Variants in ITSN2 observed in about 807,000 individuals in gnomAD.
ITSN2 encodes intersectin-2.
A neutral mutation model predicts 243.7 loss-of-function variants in ITSN2; 156 were observed. That is an observed-to-expected ratio of 0.64 (90% CI 0.56 to 0.73). ITSN2 has a LOEUF of 0.73. Ranked by LOEUF, ITSN2 falls within the 30% of genes least tolerant of loss-of-function variation. The pLI is 0.00. For missense variants in ITSN2, 1,801 were observed against 1,996.1 expected, an observed-to-expected ratio of 0.90 and a Z score of 1.86; for synonymous variants, 703 against 699.9, an observed-to-expected ratio of 1.00 and a Z score of -0.07.
chr2:24,334,811 C>T (rs1686169632), intron 1 of ITSN2: 1 of 1,181,298 alleles, frequency 8.5e-7, no homozygotes, highest in African/African-American at 1.5e-5. Flanking sequence ...CGCCTGTAAT[C>T]CCAGCACTTT....
At chr2:24,210,715 G>A (rs1383240987) in intron 34 of ITSN2, 65 bp downstream of exon 34, 1 of 1,507,668 alleles carries the variant, frequency 6.6e-7, no homozygotes, top group Non-Finnish European at 9.1e-7. Flanking sequence ...GTGAGGGAAG[G>A]CTCGGAGCTG....
At chr2:24,217,878 G>A (rs201767089) in intron 31 of ITSN2, 29 bp downstream of exon 31, 63 of 1,499,724 alleles carry the variant, frequency 4.2e-5, no homozygotes, top group African/African-American at 8.3e-5. Context: ...TGGGGTCAGC[G>A]GCAATGACAG....
chr2:24,257,189 G>A (rs867236454), intron 23 of ITSN2, among the ~76,000 whole-genome samples: 7 of 151,944 alleles, frequency 4.6e-5, no homozygotes, highest in East Asian at 1.9e-4. Flanking sequence ...GCATGGTAGC[G>A]TGCACCTGTG....
rs1673415559 is a variant in ITSN2 at position 24,246,697 on chromosome 2, A to C, written c.3385+100T>G. ...CCTTTTAAGCAGACATAAGGAAAGA[A>C]CACATTTTTAATGTTTTCCAAAGAT... On this transcript the variant is annotated intron_variant, in intron 28 of 39. Coordinates refer to ENST00000355123, the MANE Select transcript of ITSN2 (RefSeq NM_006277.3). 7 of 754,448 alleles carry C rather than the reference A, an allele frequency of 9.3e-6. No homozygotes were observed. In the East Asian group the frequency reaches 1.8e-4, roughly 19 times the overall value. The allele number at this position is 754,448 out of a possible 1,614,324, so 46.7% of individuals were successfully genotyped here. A position where few individuals can be genotyped will look rare whatever the true frequency, so the allele number is the denominator to read the frequency against.
intron 35 of ITSN2, 127 bp downstream of exon 35, chr2:24,209,691 C>T: frequency 2.8e-6 from 2 of 705,308 alleles, no homozygotes; most frequent in Non-Finnish European, 2.4e-6. Flanking sequence ...GCAAAGGAAG[C>T]ACGAGCGATC....
At chr2:24,333,359 C>A (rs1685996267) in intron 1 of ITSN2, among the ~76,000 whole-genome samples, 1 of 152,126 alleles carries the variant, frequency 6.6e-6, no homozygotes, top group African/African-American at 2.4e-5. Flanking sequence ...TTTCTTATCT[C>A]TTGGTATAAC....
At chr2:24,259,983 A>G (rs1262244328) in intron 22 of ITSN2, among the ~76,000 whole-genome samples, 1 of 152,178 alleles carries the variant, frequency 6.6e-6, no homozygotes, top group African/African-American at 2.4e-5. Context: ...GTACAGTGAT[A>G]TGATCATAAT....
intron 8 of ITSN2, among the ~76,000 whole-genome samples, chr2:24,304,593 T>C (rs1682239445): frequency 6.6e-6 from 1 of 152,194 alleles, no homozygotes; most frequent in African/African-American, 2.4e-5. Context: ...CTTAGGAAAT[T>C]TGATTTGAGG....
intron 13 of ITSN2, among the ~76,000 whole-genome samples, chr2:24,298,037 T>C (rs1414042939): frequency 2.0e-5 from 3 of 151,506 alleles, no homozygotes; most frequent in Non-Finnish European, 4.4e-5. Context: ...TAGGCTGGAG[T>C]GCAGTGGTGC....
intron 2 of ITSN2, chr2:24,326,529 C>G (rs952470134): frequency 2.4e-5 from 4 of 167,012 alleles, no homozygotes; most frequent in African/African-American, 9.6e-5. Context: ...CATGTTACTA[C>G]TACAATCACT....
At chr2:24,308,808 AT>A in intron 7 of ITSN2, 52 bp from the exon 8 acceptor site, 1 of 997,124 alleles carries the variant, frequency 1.0e-6, no homozygotes, top group Non-Finnish European at 1.3e-6. Flanking sequence ...AATATATTTA[AT>A]TAAATTTTAT....
At chr2:24,261,895 T>C (rs1024299002) in intron 20 of ITSN2, among the ~76,000 whole-genome samples, 153 bp from the exon 21 acceptor site, 1 of 152,250 alleles carries the variant, frequency 6.6e-6, no homozygotes, top group Admixed American at 6.5e-5. Flanking sequence ...CAGCTACTAT[T>C]TCCAGTGACT....
rs985181637 is a variant in ITSN2 at position 24,300,140 on chromosome 2, A to G, written c.1113T>C (p.Tyr371=). Residue 371 remains tyrosine (Y), a synonymous_variant, in exon 12 of 40, where the codon TAT becomes TAC. Transcript: ENST00000355123. ...VTFEDKRKAN[Y]ERGNMELEKR... is the part of the protein sequence containing the mutation. ...TTTCCAGCTCCATGTTCCCTCGCTCATAGTTGGCTTTCCGTTTGTCCTCAA... is the reference window on the plus strand; with the variant it reads ...TTTCCAGCTCCATGTTCCCTCGCTCGTAGTTGGCTTTCCGTTTGTCCTCAA... The G allele has an allele frequency of 6.2e-7, 1 of 1,614,076 alleles. No individual in the cohort carries two copies. Among genetic ancestry groups the G allele is most frequent in the African/African-American group, 1.3e-5 (1 of 75,018 alleles).
At chr2:24,292,554 A>G (rs761807499) in intron 15 of ITSN2, among the ~76,000 whole-genome samples, 1 of 152,182 alleles carries the variant, frequency 6.6e-6, no homozygotes, top group African/African-American at 2.4e-5. Context: ...TTCATTTCTG[A>G]TATTTCTTCC....
intron 1 of ITSN2, among the ~76,000 whole-genome samples, chr2:24,359,213 A>G (rs1688725753): frequency 6.6e-6 from 1 of 152,236 alleles, no homozygotes; most frequent in South Asian, 2.1e-4. Flanking sequence ...ATCACTGATT[A>G]ACAATATAGC....
intron 29 of ITSN2, among the ~76,000 whole-genome samples, chr2:24,244,981 A>G (rs1673157420): frequency 6.6e-6 from 1 of 152,232 alleles, no homozygotes; most frequent in African/African-American, 2.4e-5. Context: ...ATATATTCTC[A>G]GCAACTGAAT....
intron 29 of ITSN2, among the ~76,000 whole-genome samples, chr2:24,232,975 C>CT (rs1477435277): frequency 6.6e-6 from 1 of 152,108 alleles, no homozygotes; most frequent in Non-Finnish European, 1.5e-5. Flanking sequence ...GGCCCTTACT[C>CT]TAACTCTTTT....
At chr2:24,336,516 A>G (rs927426243) in intron 1 of ITSN2, among the ~76,000 whole-genome samples, 3 of 152,092 alleles carry the variant, frequency 2.0e-5, no homozygotes, top group East Asian at 1.9e-4. Context: ...TTCCATTTCC[A>G]TATGTCCTAA....
chr2:24,226,346 C>A (rs1671025776), intron 29 of ITSN2, among the ~76,000 whole-genome samples: 1 of 152,204 alleles, frequency 6.6e-6, no homozygotes, highest in African/African-American at 2.4e-5. Flanking sequence ...GAAACTCTGG[C>A]AGGAGACTGA....
Sources: gnomAD v4.1 joint callset for allele counts (sites outside exome capture counted in the v4.1 genomes callset) on GRCh38, gnomAD v4.1.1 for gene constraint, MANE v1.5 for transcripts, NCBI Gene and HGNC (gene_info 2026-07-23, HGNC 2026-07-21) for gene names.